Variants in CATSPERE observed in about 807,000 individuals in gnomAD.
The protein encoded by CATSPERE is cation channel sperm-associated auxiliary subunit epsilon.
A neutral mutation model predicts 114.1 loss-of-function variants in CATSPERE; 93 were observed. The observed-to-expected ratio is 0.81, with a 90% CI of 0.69 to 0.97. The LOEUF (loss-of-function observed/expected upper bound fraction) is 0.97, where lower values mean the gene tolerates loss of function less well. Among genes scored for constraint, CATSPERE ranks in the 50% least tolerant of loss-of-function variants. The pLI is 0.00. For missense variants in CATSPERE, 1,058 were observed against 1,131.6 expected, an observed-to-expected ratio of 0.93 and a Z score of 0.93; for synonymous variants, 341 against 384.1, an observed-to-expected ratio of 0.89 and a Z score of 1.31.
chr1:244,535,515 C>T (rs7538776), intron 8 of CATSPERE, among the ~76,000 whole-genome samples: 22,101 of 152,098 alleles, frequency 0.15, 1,928 homozygotes, highest in African/African-American at 0.24. Flanking sequence ...TCACAGACAG[C>T]GGAGTCTTTC....
intron 8 of CATSPERE, among the ~76,000 whole-genome samples, chr1:244,538,033 G>A (rs566904826): frequency 1.1e-4 from 17 of 152,168 alleles, no homozygotes; most frequent in African/African-American, 2.6e-4. Flanking sequence ...TTGTAAAAAT[G>A]CATGGGAGGC....
chr1:244,557,292 C>T (rs887605296), intron 9 of CATSPERE, among the ~76,000 whole-genome samples: 3 of 151,286 alleles, frequency 2.0e-5, no homozygotes, highest in African/African-American at 4.9e-5. Flanking sequence ...TACATTGACT[C>T]TGTTAATCAG....
chr1:244,537,852 A>G (rs1257018770), intron 8 of CATSPERE, among the ~76,000 whole-genome samples: 1 of 152,204 alleles, frequency 6.6e-6, no homozygotes, highest in Non-Finnish European at 1.5e-5. Flanking sequence ...GTAGTCTATA[A>G]GTATCCATTA....
intron 2 of CATSPERE, among the ~76,000 whole-genome samples, chr1:244,472,649 TTTACA>T (rs1668681796): frequency 6.6e-6 from 1 of 152,202 alleles, no homozygotes; most frequent in Admixed American, 6.5e-5. Flanking sequence ...TAATCTGTAA[TTTACA>T]TTAGTGTTCA....
intron 11 of CATSPERE, among the ~76,000 whole-genome samples, chr1:244,577,606 C>T (rs2148595351): frequency 6.6e-6 from 1 of 152,308 alleles, no homozygotes; most frequent in East Asian, 1.9e-4. Flanking sequence ...TGTGTCCTCA[C>T]ATGGCAGAAG....
chr1:244,556,885 AAAGT>A (rs1328743918), intron 9 of CATSPERE, among the ~76,000 whole-genome samples: 8 of 152,122 alleles, frequency 5.3e-5, no homozygotes, highest in Non-Finnish European at 1.2e-4. Flanking sequence ...TACAAAAGAG[AAAGT>A]AAGAAAGCAA....
chr1:244,484,551 A>C (rs1242579223), intron 5 of CATSPERE, among the ~76,000 whole-genome samples: 1 of 152,150 alleles, frequency 6.6e-6, no homozygotes, highest in Non-Finnish European at 1.5e-5. Flanking sequence ...TTTTTGGTGC[A>C]ATTGTAATTG....
chr1:244,526,222 T>G (rs1354431421), intron 8 of CATSPERE, among the ~76,000 whole-genome samples: 2 of 151,950 alleles, frequency 1.3e-5, no homozygotes, highest in Non-Finnish European at 2.9e-5. Context: ...GCATGGGCAA[T>G]ATGACAAAAC....
chr1:244,572,281 C>T (rs1664579416), intron 10 of CATSPERE, 49 bp from the exon 11 acceptor site: 4 of 900,464 alleles, frequency 4.4e-6, no homozygotes, highest in African/African-American at 1.7e-5. Context: ...ACTAAAACAG[C>T]ACGATTTATG....
chr1:244,638,011 T>C (rs935230628), intron 21 of CATSPERE, among the ~76,000 whole-genome samples: 1 of 152,244 alleles, frequency 6.6e-6, no homozygotes, highest in African/African-American at 2.4e-5. Context: ...CTTTGCACAC[T>C]ATCTGTTCCT....
At chr1:244,566,662 T>TGG (rs1663577411) in intron 10 of CATSPERE, among the ~76,000 whole-genome samples, 2 of 106,642 alleles carry the variant, frequency 1.9e-5, no homozygotes, top group Non-Finnish European at 4.1e-5. Context: ...CTTTTTTTTT[T>TGG]TTTTTTTTTT....
At chr1:244,485,893 A>C (rs1172493945) in intron 5 of CATSPERE, among the ~76,000 whole-genome samples, 1 of 150,212 alleles carries the variant, frequency 6.7e-6, no homozygotes, top group African/African-American at 2.5e-5. Context: ...ACAGGGTTTC[A>C]CTTTGTTGCC....
intron 10 of CATSPERE, among the ~76,000 whole-genome samples, chr1:244,564,782 A>G (rs557195171): frequency 6.6e-6 from 1 of 152,266 alleles, no homozygotes; most frequent in South Asian, 2.1e-4. Context: ...TTCCAATACT[A>G]TGTTGAATAG....
At chr1:244,597,507 C>G (rs1668592803) in intron 17 of CATSPERE, among the ~76,000 whole-genome samples, 1 of 146,156 alleles carries the variant, frequency 6.8e-6, no homozygotes, top group East Asian at 2.0e-4. Context: ...GTAGCACCCC[C>G]TTAATTACTT....
chr1:244,519,042 A>C (rs950415806), intron 8 of CATSPERE, among the ~76,000 whole-genome samples: 29 of 152,158 alleles, frequency 1.9e-4, no homozygotes, highest in East Asian at 9.6e-4. Flanking sequence ...ACACACACAC[A>C]CCACAAATTC....
chr1:244,560,846 T>C lies in CATSPERE; in HGVS notation c.1208T>C (p.Ile403Thr), dbSNP rs758927179. The change falls in exon 10 of 22, where the codon ATT becomes ACT. Residue 403 changes from isoleucine to threonine, a missense_variant. By Grantham distance (89) the Ile-to-Thr change is moderately conservative. Around this residue, in one of 2 missense-constraint regions of CATSPERE, gnomAD observed 787 missense variants for 905.6 expected, o/e 0.87. Transcript: ENST00000366534. ...RVEYTGHPLE[I>T]AVFLNYCTVC... ...GAGTATACAGGACACCCTCTGGAGA[T>C]TGCTGTGTTTTTAAATTATTGCACT... is the stretch of plus-strand genomic sequence containing the variant. The C allele has an allele frequency of 5.0e-6, 8 of 1,613,988 alleles. No individual in the cohort carries two copies. The highest frequency in any genetic ancestry group is 2.2e-5 in the South Asian group (2 of 91,088).
In CATSPERE at chr1:244,640,004, T is replaced by C. The variant is rs1675165147; in HGVS notation, c.2779T>C (p.Phe927Leu). 1 of 1,551,252 alleles carries C rather than the reference T, an allele frequency of 6.4e-7. No individual in the cohort carries two copies. The highest frequency in any genetic ancestry group is 8.7e-7 in the Non-Finnish European group (1 of 1,146,710). Residue 927 changes from phenylalanine to leucine, a missense_variant, in exon 22 of 22, where the codon TTT becomes CTT. Coordinates refer to ENST00000366534, the MANE Select transcript of CATSPERE (RefSeq NM_001130957.2). ...LFFTILVLSY[F>L]RYMRIYRRYI... ...CTTCACTATTCTTGTTTTGAGCTAC[T>C]TTCGGTACATGAGGATTTATAGACG...
At chr1:244,569,835 T>A (rs1664175590) in intron 10 of CATSPERE, among the ~76,000 whole-genome samples, 1 of 152,240 alleles carries the variant, frequency 6.6e-6, no homozygotes. Flanking sequence ...GTTTCTAGGC[T>A]ATTCTGTTCC....
intron 2 of CATSPERE, among the ~76,000 whole-genome samples, chr1:244,476,984 T>C (rs770281477): frequency 1.4e-4 from 21 of 152,230 alleles, no homozygotes; most frequent in Middle Eastern, 6.8e-3. Context: ...AGATACTTAA[T>C]AGATTATTTC....
Sources: gnomAD v4.1 joint callset for allele counts (sites outside exome capture counted in the v4.1 genomes callset) on GRCh38, gnomAD v4.1.1 for gene constraint, gnomAD v4.1.1 regional missense constraint, MANE v1.5 for transcripts, NCBI Gene and HGNC (gene_info 2026-07-23, HGNC 2026-07-21) for gene names.